PHF21B: variants seen among roughly 807,000 people sequenced by gnomAD.
PHF21B encodes PHD finger protein 4.
A neutral mutation model predicts 62.2 loss-of-function variants in PHF21B; 22 were observed. That is an observed-to-expected ratio of 0.35 (90% CI 0.25 to 0.51). PHF21B has a LOEUF of 0.51. PHF21B is among the 20% of genes least tolerant of loss of function. The pLI, the probability that PHF21B is intolerant of heterozygous loss-of-function variation, is 0.97. For missense variants in PHF21B, 701 were observed against 707.9 expected (o/e 0.99, Z 0.11); for synonymous variants, 341 against 314.7 (o/e 1.08, Z -0.88).
At chr22:44,968,442 G>A (rs370725837) in intron 2 of PHF21B, among the ~76,000 whole-genome samples, 37 of 152,136 alleles carry the variant, frequency 2.4e-4, no homozygotes, top group African/African-American at 8.9e-4. Context: ...TCAGGAGTTC[G>A]AGACCAGCCT....
In PHF21B at chr22:44,943,069, A is replaced by G. The variant is rs1042214857; in HGVS notation, c.121-22579T>C. On this transcript the variant is annotated intron_variant, in intron 2 of 12. Coordinates refer to ENST00000313237, the MANE Select transcript of PHF21B (RefSeq NM_138415.5). Reference sequence around the variant, plus strand: ...AAAGTAGATGGAAGATCCGGATTGAATCCTGCTCAGCACCGCCTCTGCCCC... The same window carrying G: ...AAAGTAGATGGAAGATCCGGATTGAGTCCTGCTCAGCACCGCCTCTGCCCC... Among the ~76,000 whole-genome samples, 9 of 150,110 alleles carry G rather than the reference A, an allele frequency of 6.0e-5. 1 individual carries two copies.
chr22:44,964,956 C>T (rs955021581), intron 2 of PHF21B, among the ~76,000 whole-genome samples: 1 of 152,200 alleles, frequency 6.6e-6, no homozygotes, highest in Non-Finnish European at 1.5e-5. Flanking sequence ...TGTCCGTACA[C>T]TGGAGATGAG....
At chr22:44,885,660 C>G (rs1601561014) in intron 11 of PHF21B, 131 bp from the exon 12 acceptor site, 1 of 1,055,380 alleles carries the variant, frequency 9.5e-7, no homozygotes. Flanking sequence ...GTGGCTGTGG[C>G]CAAATGCACA....
intron 7 of PHF21B, among the ~76,000 whole-genome samples, 187 bp from the exon 8 acceptor site, chr22:44,891,547 G>A (rs186230511): frequency 1.3e-5 from 2 of 152,296 alleles, no homozygotes; most frequent in East Asian, 3.9e-4. Flanking sequence ...AGGAATGGCT[G>A]AGGATGGGGC....
At position 45,009,182 on chromosome 22, in the gene PHF21B, G is replaced by T; in HGVS notation, c.54+314C>A. The T allele has an allele frequency of 2.3e-6, 1 of 443,822 alleles. No individual in the cohort carries two copies. The allele number at this position is 443,822 out of a possible 1,614,324, so 27.5% of individuals were successfully genotyped here. A position where few individuals can be genotyped will look rare whatever the true frequency, so the allele number is the denominator to read the frequency against. ...GGGCCTATTCGCACTCCCCTCCCCG[G>T]GACCGGCTCACGAAGGGGCCCCCTC... On this transcript the variant is annotated intron_variant, in intron 1 of 12. Transcript: ENST00000313237. The surrounding 1 kb of genome is among the most constrained non-coding windows in gnomAD (Gnocchi z 5.9).
chr22:45,005,270 C>T (rs1172723470), intron 2 of PHF21B, among the ~76,000 whole-genome samples: 1 of 152,240 alleles, frequency 6.6e-6, no homozygotes, highest in South Asian at 2.1e-4. Flanking sequence ...AATCACAGCC[C>T]AGCAGCAAAG....
Position 44,916,528 on chromosome 22 carries a change from C to T in PHF21B, c.316G>A (p.Val106Ile), listed in dbSNP as rs767031532. ...PTFQKATVVS[V>I]KNPSPALPTA... is the part of the protein sequence containing the mutation. Reference sequence around the variant, plus strand: ...GGGAGGGCTGGGCTGGGGTTCTTGACGCTGACCACGGTGGCCTTCTGGAAT... The same window carrying T: ...GGGAGGGCTGGGCTGGGGTTCTTGATGCTGACCACGGTGGCCTTCTGGAAT... The change falls in exon 4 of 13, where the codon GTC becomes ATC. Residue 106 changes from valine to isoleucine, a missense_variant. Coordinates refer to ENST00000313237, the MANE Select transcript of PHF21B (RefSeq NM_138415.5). 32 of 1,609,534 alleles carry T rather than the reference C, an allele frequency of 2.0e-5. No homozygotes were observed. The highest frequency in any genetic ancestry group is 8.0e-5 in the African/African-American group (6 of 74,940).
At chr22:44,921,162 G>T (rs2071528071) in intron 2 of PHF21B, among the ~76,000 whole-genome samples, 1 of 152,176 alleles carries the variant, frequency 6.6e-6, no homozygotes, top group Non-Finnish European at 1.5e-5. Context: ...CAATATGGGG[G>T]TCTCGCCAAC....
chr22:45,004,373 CTG>C lies in PHF21B; in HGVS notation c.120+4170_120+4171del, dbSNP rs1275365641. Among the ~76,000 whole-genome samples, 3 of 151,332 alleles carry C rather than the reference CTG, an allele frequency of 2.0e-5. No individual in the cohort carries two copies. In the East Asian group the frequency reaches 5.8e-4, roughly 29 times the overall value. On this transcript the variant is annotated intron_variant, in intron 2 of 12. Transcript: ENST00000313237. The stretch of plus-strand genomic sequence containing the variant: ...GATGGAGGGGTCCAGGAAACTCCAG[CTG>C]TGTGTGTGGGGGGTGTGAGAGGTGG...
chr22:45,002,320 T>C (rs1430584842), intron 2 of PHF21B, among the ~76,000 whole-genome samples: 7 of 152,194 alleles, frequency 4.6e-5, no homozygotes, highest in Non-Finnish European at 7.3e-5. Context: ...TTTATGTACA[T>C]ACACACACAC....
chr22:44,974,131 C>A lies in PHF21B; in HGVS notation c.120+34414G>T, dbSNP rs147619170. Among the ~76,000 whole-genome samples, 117 of 152,220 alleles carry A rather than the reference C, an allele frequency of 7.7e-4. 1 individual carries two copies. The highest frequency in any genetic ancestry group is 3.1e-3 in the Admixed American group (47 of 15,290). On this transcript the variant is annotated intron_variant, in intron 2 of 12. Coordinates refer to ENST00000313237, the MANE Select transcript of PHF21B (RefSeq NM_138415.5). ...GTGTGATGCTGTAAACGTGCATATG[C>A]GGCCAGGTGCGGTGGCTCACGTCTG...
At chr22:44,911,610 G>A (rs1041873984) in intron 5 of PHF21B, among the ~76,000 whole-genome samples, 1 of 152,244 alleles carries the variant, frequency 6.6e-6, no homozygotes, top group African/African-American at 2.4e-5. Flanking sequence ...TGCAGGTGCA[G>A]AGAAGTCAAG....
chr22:44,957,392 C>T (rs2072322526), intron 2 of PHF21B, among the ~76,000 whole-genome samples: 1 of 152,252 alleles, frequency 6.6e-6, no homozygotes, highest in Admixed American at 6.5e-5. Context: ...GTGAGAGAGA[C>T]CTGGGCTGCC....
intron 2 of PHF21B, among the ~76,000 whole-genome samples, chr22:44,961,105 C>A (rs936897279): frequency 1.3e-5 from 2 of 151,446 alleles, no homozygotes; most frequent in Non-Finnish European, 2.9e-5. Flanking sequence ...TACAGGTACG[C>A]GCCACCACAC....
intron 5 of PHF21B, among the ~76,000 whole-genome samples, chr22:44,908,166 G>A (rs2071283901): frequency 2.0e-5 from 3 of 152,176 alleles, no homozygotes; most frequent in Admixed American, 2.0e-4. Context: ...CCTGACCAAA[G>A]GCAGAGATGG....
chr22:44,977,998 A>G (rs572321694), intron 2 of PHF21B, among the ~76,000 whole-genome samples: 1 of 152,010 alleles, frequency 6.6e-6, no homozygotes, highest in South Asian at 2.1e-4. Flanking sequence ...ACGTGGCCTC[A>G]CTCATTCCTT....
intron 2 of PHF21B, among the ~76,000 whole-genome samples, chr22:44,935,577 G>A (rs184272426): frequency 6.6e-6 from 1 of 151,972 alleles, no homozygotes; most frequent in East Asian, 1.9e-4. Flanking sequence ...TCGAGCCACT[G>A]CACTCTAGCC....
At chr22:44,923,826 T>G (rs2071581101) in intron 2 of PHF21B, among the ~76,000 whole-genome samples, 1 of 151,846 alleles carries the variant, frequency 6.6e-6, no homozygotes, top group African/African-American at 2.4e-5. Context: ...AAAACCAGCC[T>G]GTGCAATATA....
chr22:44,936,248 G>A (rs2071844332), intron 2 of PHF21B, among the ~76,000 whole-genome samples: 1 of 152,208 alleles, frequency 6.6e-6, no homozygotes, highest in African/African-American at 2.4e-5. Flanking sequence ...GCCCTGGAGT[G>A]CTCCTCCCTG....
Sources: gnomAD v4.1 joint callset for allele counts (sites outside exome capture counted in the v4.1 genomes callset) on GRCh38, gnomAD v4.1.1 for gene constraint, Gnocchi (gnomAD v3.1) non-coding constraint, MANE v1.5 for transcripts, NCBI Gene and HGNC (gene_info 2026-07-23, HGNC 2026-07-21) for gene names.